The following CDH4 variants were observed in gnomAD, a reference collection of about 807,000 sequenced individuals.
The protein encoded by CDH4 is cadherin-4.
In CDH4, 33 loss-of-function variants were observed where a neutral mutation model predicts 86.0. That is an observed-to-expected ratio of 0.38 (90% CI 0.29 to 0.51). The LOEUF is 0.51. Ranked by LOEUF, CDH4 falls within the 20% of genes least tolerant of loss-of-function variation. The pLI is 0.86. For synonymous variants in CDH4, 555 were observed against 549.4 expected (o/e 1.01, Z -0.14); for missense variants, 1,114 against 1,307.4 (o/e 0.85, Z 2.28).
intron 2 of CDH4, among the ~76,000 whole-genome samples, chr20:61,617,433 C>T (rs2086734149): frequency 6.6e-6 from 1 of 152,220 alleles, no homozygotes; most frequent in African/African-American, 2.4e-5. Context: ...TGCAGACAGC[C>T]ATCCCACAGG....
rs1188952298 is a variant in CDH4 at position 61,684,256 on chromosome 20, G to A, written c.170-59307G>A. Among the ~76,000 whole-genome samples the A allele has an allele frequency of 6.6e-6, 1 of 152,200 alleles. No individual in the cohort carries two copies. Among genetic ancestry groups the A allele is most frequent in the African/African-American group, 2.4e-5 (1 of 41,458 alleles). ...GAATGAGGGGGACTGGCCGGCCTGGGAAGTGGCCTGGGAGGTGCTCAGAGG... is the reference window on the plus strand; with the variant it reads ...GAATGAGGGGGACTGGCCGGCCTGGAAAGTGGCCTGGGAGGTGCTCAGAGG... On this transcript the variant is annotated intron_variant, in intron 2 of 15. Coordinates refer to ENST00000614565, the MANE Select transcript of CDH4 (RefSeq NM_001794.5). The surrounding 1 kb of genome is among the most constrained non-coding windows in gnomAD (Gnocchi z 4.5).
chr20:61,426,759 A>C (rs2085217621), intron 2 of CDH4, among the ~76,000 whole-genome samples: 1 of 152,266 alleles, frequency 6.6e-6, no homozygotes, highest in South Asian at 2.1e-4. Context: ...AAATTCCTGC[A>C]GGGAATCGAG....
intron 2 of CDH4, among the ~76,000 whole-genome samples, chr20:61,625,221 A>C (rs2086819556): frequency 6.6e-6 from 1 of 152,146 alleles, no homozygotes; most frequent in South Asian, 2.1e-4. Context: ...AGGCACCCGG[A>C]CCCAGGCGTG....
Position 61,377,098 on chromosome 20 carries a change from C to T in CDH4, c.169+122161C>T, listed in dbSNP as rs1019828103. Among the ~76,000 whole-genome samples, 1 of 152,148 alleles carries T rather than the reference C, an allele frequency of 6.6e-6. No individual in the cohort carries two copies. Among genetic ancestry groups the T allele is most frequent in the Non-Finnish European group, 1.5e-5 (1 of 68,044 alleles). ...GGGCGGCTGCTGTCCTTCAAGTCTG[C>T]GTTGCCAAGGTAACTGGGGATTTGG... On this transcript the variant is annotated intron_variant, in intron 2 of 15. Coordinates refer to ENST00000614565, the MANE Select transcript of CDH4 (RefSeq NM_001794.5). This position sits in a 1 kb window ranked among gnomAD's most constrained non-coding sequence, Gnocchi z 4.0.
chr20:61,734,781 C>T (rs73316160), intron 2 of CDH4, among the ~76,000 whole-genome samples: 1,687 of 152,264 alleles, frequency 0.011, 34 homozygotes, highest in African/African-American at 0.039. Flanking sequence ...CCCTGTACCG[C>T]CAGTTTTCTC....
rs553837034 is a variant in CDH4, at chr20:61,876,173, C to T, written c.1050+2273C>T. 3.3e-5 allele frequency among the ~76,000 whole-genome samples: 5 copies of T among 152,342 alleles called. No homozygotes were observed. In the East Asian group the frequency reaches 5.8e-4, roughly 18 times the overall value. ...GAGCAAGGGTCAGGCCTGTGAGCGCCGGCACCTCTGGGATGGCCCCTTGCA... is the reference window on the plus strand; with the variant it reads ...GAGCAAGGGTCAGGCCTGTGAGCGCTGGCACCTCTGGGATGGCCCCTTGCA... On this transcript the variant is annotated intron_variant, in intron 7 of 15. Coordinates refer to ENST00000614565, the MANE Select transcript of CDH4 (RefSeq NM_001794.5).
chr20:61,769,230 CAGAACAT>C lies in CDH4; in HGVS notation c.397-3771_397-3765del, dbSNP rs145131133. ...TGGGAGACGCCCTGTTCTCCAACTGCAGAACATATCAGGCGTGGTTGGCGGCCCCACC... is the reference window on the plus strand; with the variant it reads ...TGGGAGACGCCCTGTTCTCCAACTGCATCAGGCGTGGTTGGCGGCCCCACC... On this transcript the variant is annotated intron_variant, in intron 3 of 15. Transcript: ENST00000614565. Among the ~76,000 whole-genome samples, 35 of 152,340 alleles carry C rather than the reference CAGAACAT, an allele frequency of 2.3e-4. No homozygotes were observed. The East Asian group carries it at 6.4e-3, about 28-fold the overall frequency.
At chr20:61,342,226 A>G (rs971156884) in intron 2 of CDH4, among the ~76,000 whole-genome samples, 1 of 152,194 alleles carries the variant, frequency 6.6e-6, no homozygotes, top group Non-Finnish European at 1.5e-5. Context: ...GATCAGGGGT[A>G]GGGAATGGTC....
At chr20:61,283,921 C>T (rs2084278900) in intron 2 of CDH4, among the ~76,000 whole-genome samples, 1 of 152,176 alleles carries the variant, frequency 6.6e-6, no homozygotes, top group Non-Finnish European at 1.5e-5. Context: ...GTGGGCATTC[C>T]TTTGGACGTG....
intron 2 of CDH4, among the ~76,000 whole-genome samples, chr20:61,385,977 A>G (rs1216567322): frequency 6.6e-6 from 1 of 152,190 alleles, no homozygotes; most frequent in Non-Finnish European, 1.5e-5. Context: ...GCAGGAGGTC[A>G]GGAGCCACAG....
chr20:61,928,522 T>C, intron 12 of CDH4, 99 bp downstream of exon 12: 1 of 990,974 alleles, frequency 1.0e-6, no homozygotes, highest in Non-Finnish European at 1.5e-6. Context: ...CAGAGGTGGG[T>C]GACAGTCCTC....
intron 2 of CDH4, among the ~76,000 whole-genome samples, chr20:61,374,477 T>C (rs1227755602): frequency 6.6e-6 from 1 of 152,174 alleles, no homozygotes; most frequent in Non-Finnish European, 1.5e-5. Context: ...GGTGCTCCAC[T>C]CACTTTCCCT....
intron 2 of CDH4, among the ~76,000 whole-genome samples, chr20:61,599,476 C>CGACCCTCCT (rs57515672): frequency 0.037 from 5,590 of 152,244 alleles, 130 homozygotes; most frequent in Middle Eastern, 0.095. Flanking sequence ...TTCCAAAGGC[C>CGACCCTCCT]GACCCTCCTG....
chr20:61,295,008 C>G (rs2084344672), intron 2 of CDH4, among the ~76,000 whole-genome samples: 1 of 152,210 alleles, frequency 6.6e-6, no homozygotes, highest in South Asian at 2.1e-4. Flanking sequence ...GAGAATGTCC[C>G]CTTGGATGGA....
chr20:61,286,054 A>G (rs554945382), intron 2 of CDH4, among the ~76,000 whole-genome samples: 2 of 152,178 alleles, frequency 1.3e-5, no homozygotes, highest in South Asian at 4.1e-4. Flanking sequence ...TGCGCTCTGG[A>G]TGTGCCAGCC....
intron 13 of CDH4, among the ~76,000 whole-genome samples, chr20:61,931,272 G>T (rs111622464): frequency 1.4e-4 from 21 of 152,186 alleles, no homozygotes; most frequent in Non-Finnish European, 4.4e-5. Flanking sequence ...AGGTTCTCAC[G>T]GAGCTGCACC....
chr20:61,320,596 G>T (rs957550607), intron 2 of CDH4, among the ~76,000 whole-genome samples: 2 of 152,074 alleles, frequency 1.3e-5, no homozygotes, highest in Admixed American at 1.3e-4. Flanking sequence ...TGTGAGTGGG[G>T]GATGGGGGTG....
chr20:61,306,324 G>A (rs1343310053), intron 2 of CDH4, among the ~76,000 whole-genome samples: 1 of 136,446 alleles, frequency 7.3e-6, no homozygotes, highest in South Asian at 2.6e-4. Flanking sequence ...ATGCCGGTAA[G>A]TTTTCTTTTT....
At chr20:61,826,991 G>A (rs1213535550) in intron 4 of CDH4, among the ~76,000 whole-genome samples, 2 of 151,984 alleles carry the variant, frequency 1.3e-5, no homozygotes, top group East Asian at 1.9e-4. Context: ...GTGTGTGTGT[G>A]TGTGTGTGTG....
Sources: allele counts gnomAD v4.1 joint callset (sites outside exome capture counted in the v4.1 genomes callset), GRCh38; gene constraint gnomAD v4.1.1; non-coding constraint Gnocchi (gnomAD v3.1); transcripts MANE v1.5; gene names NCBI Gene and HGNC (gene_info 2026-07-23, HGNC 2026-07-21).